The following PRKN variants were observed in gnomAD, a reference collection of about 807,000 sequenced individuals.
PRKN encodes the protein E3 ubiquitin-protein ligase parkin.
In PRKN, 56 loss-of-function variants were observed where a neutral mutation model predicts 59.5. The ratio of observed to expected loss-of-function variants is 0.94; its 90% CI spans 0.76 to 1.18. PRKN has a LOEUF of 1.18. PRKN is among the 50% of genes most tolerant of loss of function. PRKN has a pLI of 0.00. For missense variants in PRKN, 657 were observed against 596.4 expected, an observed-to-expected ratio of 1.10 and a Z score of -1.06; for synonymous variants, 250 against 222.1, an observed-to-expected ratio of 1.13 and a Z score of -1.12.
chr6:162,305,463 T>C (rs1041560611), intron 2 of PRKN, among the ~76,000 whole-genome samples: 3 of 152,208 alleles, frequency 2.0e-5, no homozygotes, highest in African/African-American at 7.2e-5. Context: ...CTTTTCTCAA[T>C]GTCCAGTTGT....
intron 1 of PRKN, among the ~76,000 whole-genome samples, chr6:162,555,661 T>G (rs1779532591): frequency 6.6e-6 from 1 of 152,056 alleles, no homozygotes; most frequent in African/African-American, 2.4e-5. Flanking sequence ...GTTTCATCTA[T>G]AAATATTATT....
intron 2 of PRKN, among the ~76,000 whole-genome samples, chr6:162,283,519 A>G (rs1468393345): frequency 6.6e-6 from 1 of 152,128 alleles, no homozygotes; most frequent in Non-Finnish European, 1.5e-5. Flanking sequence ...AAAAGTAGAG[A>G]AGCATAGAGT....
At chr6:161,900,075 C>A (rs557939936) in intron 6 of PRKN, among the ~76,000 whole-genome samples, 104 of 152,064 alleles carry the variant, frequency 6.8e-4, no homozygotes, top group African/African-American at 2.4e-3. Flanking sequence ...CATGCCACTT[C>A]ACTCCAGCCT....
intron 2 of PRKN, among the ~76,000 whole-genome samples, 160 bp from the exon 3 acceptor site, chr6:162,262,925 C>T (rs544875564): frequency 2.9e-4 from 44 of 152,176 alleles, no homozygotes; most frequent in African/African-American, 1.0e-3. Context: ...TTACACACTA[C>T]ACACGGTAGA....
intron 7 of PRKN, among the ~76,000 whole-genome samples, chr6:161,688,197 G>A (rs181037086): frequency 4.6e-5 from 7 of 152,298 alleles, no homozygotes; most frequent in Admixed American, 2.0e-4. Context: ...TGCAAATGAT[G>A]AATAAATACC....
At position 162,249,826 on chromosome 6, in the gene PRKN, T is replaced by TAAAAC. The variant is rs546576931; in HGVS notation, c.412+12694_412+12698dup. Reference sequence around the variant, plus strand: ...GATGAAAATAGCATTTTTCTGTGATTAAAACAAAACAAAACAAAACAAAAC... The same window carrying TAAAAC: ...GATGAAAATAGCATTTTTCTGTGATTAAAACAAAACAAAACAAAACAAAACAAAAC... On this transcript the variant is annotated intron_variant, in intron 3 of 11. Coordinates refer to ENST00000366898, the MANE Select transcript of PRKN (RefSeq NM_004562.3). Among the ~76,000 whole-genome samples, 76 of 151,252 alleles carry TAAAAC rather than the reference T, an allele frequency of 5.0e-4. 1 individual carries two copies. In the East Asian group the frequency reaches 6.8e-3, roughly 13 times the overall value.
intron 3 of PRKN, among the ~76,000 whole-genome samples, chr6:162,243,851 G>A (rs909006220): frequency 6.6e-6 from 1 of 151,976 alleles, no homozygotes; most frequent in African/African-American, 2.4e-5. Flanking sequence ...AAGAATTACT[G>A]TTTCCTTCCA....
intron 9 of PRKN, among the ~76,000 whole-genome samples, chr6:161,441,713 C>T (rs978934368): frequency 1.3e-5 from 2 of 151,848 alleles, no homozygotes; most frequent in African/African-American, 4.8e-5. Context: ...AGTTCTTCCC[C>T]GCAGTTCCCA....
At chr6:162,394,317 T>G in intron 2 of PRKN, among the ~76,000 whole-genome samples, 1 of 152,284 alleles carries the variant, frequency 6.6e-6, no homozygotes, top group South Asian at 2.1e-4. Flanking sequence ...GGTCCTGGCC[T>G]AAAATGAACA....
At chr6:162,401,695 T>C (rs1787800182) in intron 2 of PRKN, among the ~76,000 whole-genome samples, 1 of 151,920 alleles carries the variant, frequency 6.6e-6, no homozygotes, top group Non-Finnish European at 1.5e-5. Context: ...AACTTCAAAC[T>C]AATATAAGGA....
intron 5 of PRKN, among the ~76,000 whole-genome samples, chr6:161,988,813 A>T (rs755663276): frequency 6.6e-6 from 1 of 152,374 alleles, no homozygotes. Context: ...TAATACCAGT[A>T]CTACAGAGCA....
intron 7 of PRKN, among the ~76,000 whole-genome samples, chr6:161,689,507 T>C (rs1056492942): frequency 6.6e-6 from 1 of 152,166 alleles, no homozygotes; most frequent in African/African-American, 2.4e-5. Flanking sequence ...ATAAAAGTGA[T>C]TATTTTCCAT....
chr6:162,439,000 T>C (rs1020667543), intron 2 of PRKN, among the ~76,000 whole-genome samples: 4 of 152,214 alleles, frequency 2.6e-5, no homozygotes, highest in African/African-American at 9.6e-5. Context: ...TTCTTTGCCA[T>C]TTGGACCGTG....
At chr6:161,802,707 G>A (rs1272439593) in intron 6 of PRKN, among the ~76,000 whole-genome samples, 1 of 152,122 alleles carries the variant, frequency 6.6e-6, no homozygotes, top group Non-Finnish European at 1.5e-5. Context: ...CCCATGGCCT[G>A]TTTTAGTCTT....
chr6:162,351,084 G>C (rs1784605042), intron 2 of PRKN, among the ~76,000 whole-genome samples: 1 of 152,078 alleles, frequency 6.6e-6, no homozygotes, highest in Admixed American at 6.6e-5. Context: ...CATCTCTTCA[G>C]GAGGCTGAGA....
intron 1 of PRKN, among the ~76,000 whole-genome samples, chr6:162,659,697 A>G (rs1366877031): frequency 6.6e-6 from 1 of 152,036 alleles, no homozygotes; most frequent in East Asian, 1.9e-4. Context: ...TCTACATCAG[A>G]AAAAAAAGAA....
chr6:162,208,954 G>A (rs1347111769), intron 3 of PRKN, among the ~76,000 whole-genome samples: 1 of 151,962 alleles, frequency 6.6e-6, no homozygotes, highest in Admixed American at 6.6e-5. Flanking sequence ...AAATCAAGAT[G>A]GATTAAAGAC....
chr6:161,408,619 G>A (rs1021164235), intron 9 of PRKN, among the ~76,000 whole-genome samples: 1 of 151,680 alleles, frequency 6.6e-6, no homozygotes, highest in Non-Finnish European at 1.5e-5. Context: ...TCAGGGGGTC[G>A]GCGAGGCTGA....
At chr6:162,558,627 C>A (rs1458506094) in intron 1 of PRKN, among the ~76,000 whole-genome samples, 1 of 151,552 alleles carries the variant, frequency 6.6e-6, no homozygotes, top group Non-Finnish European at 1.5e-5. Context: ...CTGTGCCCAG[C>A]AATTTTCTAC....
Sources: gnomAD v4.1 joint callset for allele counts (sites outside exome capture counted in the v4.1 genomes callset) on GRCh38, gnomAD v4.1.1 for gene constraint, MANE v1.5 for transcripts, NCBI Gene and HGNC (gene_info 2026-07-23, HGNC 2026-07-21) for gene names.